Variants in CREBBP observed in about 807,000 individuals in gnomAD.
CREBBP encodes CREB-binding protein.
In CREBBP, 19 loss-of-function variants were observed where a neutral mutation model predicts 265.0. That is an observed-to-expected ratio of 0.07 (90% CI 0.05 to 0.11). The LOEUF (loss-of-function observed/expected upper bound fraction) is 0.11, where lower values mean the gene tolerates loss of function less well. CREBBP is among the 10% of genes least tolerant of loss of function. CREBBP has a pLI of 1.00. For synonymous variants in CREBBP, 1,457 were observed against 1,223.7 expected (o/e 1.19, Z -3.98); for missense variants, 2,525 against 3,219.0 (o/e 0.78, Z 5.22).
At chr16:3,745,094 C>T (rs1373276832) in intron 22 of CREBBP, 133 bp from the exon 23 acceptor site, 2 of 898,930 alleles carry the variant, frequency 2.2e-6, no homozygotes, top group Non-Finnish European at 3.6e-6. Flanking sequence ...AAGAGGCAGA[C>T]TGCTTTGATT....
At chr16:3,847,869 C>A (rs183130394) in intron 2 of CREBBP, among the ~76,000 whole-genome samples, 349 of 152,280 alleles carry the variant, frequency 2.3e-3, no homozygotes, top group South Asian at 0.016. Flanking sequence ...GAGTAAAAAT[C>A]TATAAAAACT....
intron 2 of CREBBP, among the ~76,000 whole-genome samples, chr16:3,825,250 C>T (rs750978292): frequency 6.6e-6 from 1 of 152,108 alleles, no homozygotes; most frequent in African/African-American, 2.4e-5. Flanking sequence ...TTCTTCATTA[C>T]TTGGTAGAAA....
In CREBBP at chr16:3,862,406, AGGCTTGCT is replaced by A. The variant is rs1190937795; in HGVS notation, c.86-11405_86-11398del. On this transcript the variant is annotated intron_variant, in intron 1 of 30. Transcript: ENST00000262367. ...TGGGAAGGGCCTCACTACGGTAGGC[AGGCTTGCT>A]CTGTCGCCCAGGCTGGAGTGCAGTG... 5.3e-5 allele frequency among the ~76,000 whole-genome samples: 8 copies of A among 152,266 alleles called. No homozygotes were observed. The East Asian group carries it at 1.4e-3, about 26-fold the overall frequency.
chr16:3,753,976 C>A (rs1338321798), intron 19 of CREBBP, among the ~76,000 whole-genome samples: 1 of 152,166 alleles, frequency 6.6e-6, no homozygotes, highest in African/African-American at 2.4e-5. Context: ...GAAACAAGAA[C>A]CATAAACCCA....
intron 20 of CREBBP, 43 bp from the exon 21 acceptor site, chr16:3,749,726 A>T (rs766722557): frequency 1.5e-6 from 2 of 1,334,058 alleles, no homozygotes; most frequent in Non-Finnish European, 2.1e-6. Flanking sequence ...ACTAAAATTT[A>T]TCTGTTGAGT....
rs188228129 is a variant in CREBBP, at chr16:3,756,206, A to T, written c.3698+1082T>A. On this transcript the variant is annotated intron_variant, in intron 19 of 30. Transcript: ENST00000262367. Reference sequence around the variant, plus strand: ...CCCACTGTTGACGCTTATTATTTGAACCTAAAGACAAAGAACAGGCACAAA... The same window carrying T: ...CCCACTGTTGACGCTTATTATTTGATCCTAAAGACAAAGAACAGGCACAAA... Among the ~76,000 whole-genome samples the T allele has an allele frequency of 5.3e-5, 8 of 152,344 alleles. No individual in the cohort carries two copies. The East Asian group carries it at 1.4e-3, about 26-fold the overall frequency.
rs1039534575 is a variant in CREBBP, at chr16:3,792,042, T to A, written c.1269A>T (p.Thr423=). ...RQIISHWKNC[T]RHDCPVCLPL... is the part of the protein sequence containing the mutation. Reference sequence around the variant, plus strand: ...GGAGGCAAACAGGACAGTCATGTCGTGTGCAGTTCTTCCAATGAGAGATGA... The same window carrying A: ...GGAGGCAAACAGGACAGTCATGTCGAGTGCAGTTCTTCCAATGAGAGATGA... Residue 423 remains threonine (T), a synonymous_variant, in exon 5 of 31, where the codon ACA becomes ACT. Coordinates refer to ENST00000262367, the MANE Select transcript of CREBBP (RefSeq NM_004380.3). The A allele has an allele frequency of 3.1e-6, 5 of 1,614,262 alleles. No homozygotes were observed. In the South Asian group the frequency reaches 3.3e-5, roughly 11 times the overall value.
At chr16:3,743,580 G>C (rs1474336063) in intron 23 of CREBBP, 1 of 152,154 alleles carries the variant, frequency 6.6e-6, no homozygotes, top group East Asian at 1.9e-4. Flanking sequence ...TGTCCTGCCA[G>C]AGAAAGGTGA....
In CREBBP at chr16:3,728,612, C is replaced by G. The variant is rs750009310; in HGVS notation, c.6435G>C (p.Met2145Ile). ...CACCGGGCCGCGGCACGCCAGCCTG[C>G]ATGGCATTCAGGTTCTGCAGGCTGG... is the stretch of plus-strand genomic sequence containing the variant. ...QQPSLQNLNA[M>I]QAGVPRPGVP... The change falls in exon 31 of 31, where the codon ATG becomes ATC. Residue 2145 changes from methionine (M) to isoleucine (I), a missense_variant. Met to Ile is a conservative substitution (Grantham distance 10, BLOSUM62 1). Around this residue, in one of 19 missense-constraint regions of CREBBP, gnomAD observed 473 missense variants for 459.3 expected, o/e 1.03. Transcript: ENST00000262367. This position sits in a 1 kb window ranked among gnomAD's most constrained non-coding sequence, Gnocchi z 8.7. The G allele has an allele frequency of 1.9e-6, 3 of 1,613,644 alleles. No homozygotes were observed. The East Asian group carries it at 6.7e-5, about 36-fold the overall frequency.
At position 3,740,444 on chromosome 16, in the gene CREBBP, G is replaced by C. The variant is rs1343173815; in HGVS notation, c.4088C>G (p.Ala1363Gly). Reference protein sequence around the residue: ...EAGEVFVRVVASSDKTVEVKP... With the variant: ...EAGEVFVRVVGSSDKTVEVKP... Reference sequence around the variant, plus strand: ...GACCTCCACCGTCTTGTCTGAGCTGGCCACCACTCGGACAAAAACCTCCCC... The same window carrying C: ...GACCTCCACCGTCTTGTCTGAGCTGCCCACCACTCGGACAAAAACCTCCCC... Residue 1363 changes from alanine (A) to glycine (G), a missense_variant, in exon 24 of 31, where the codon GCC (alanine) becomes GGC (glycine). Ala to Gly is a moderately conservative substitution (Grantham distance 60). Around this residue, in one of 19 missense-constraint regions of CREBBP, gnomAD observed 252 missense variants for 452.5 expected, o/e 0.56. Transcript: ENST00000262367. 6.2e-7 allele frequency: 1 copy of C among 1,614,132 alleles called. No individual in the cohort carries two copies. The highest frequency in any genetic ancestry group is 8.5e-7 in the Non-Finnish European group (1 of 1,180,030).
At chr16:3,830,416 A>G (rs796807651) in intron 2 of CREBBP, among the ~76,000 whole-genome samples, 7 of 152,112 alleles carry the variant, frequency 4.6e-5, no homozygotes, top group African/African-American at 1.7e-4. Context: ...AAACAAAACA[A>G]AAAGAGTGAA....
chr16:3,871,049 AAG>A (rs2055283408), intron 1 of CREBBP, among the ~76,000 whole-genome samples: 1 of 151,688 alleles, frequency 6.6e-6, no homozygotes, highest in Admixed American at 6.6e-5. Context: ...AAAAGAAAGA[AAG>A]AGAAAAAAAG....
intron 1 of CREBBP, among the ~76,000 whole-genome samples, chr16:3,875,621 G>A (rs1245559502): frequency 2.0e-5 from 3 of 152,184 alleles, no homozygotes; most frequent in Non-Finnish European, 1.5e-5. Context: ...CACTAAGCTT[G>A]GCAGGTTCCT....
At position 3,782,904 on chromosome 16, in the gene CREBBP, A is replaced by C; in HGVS notation, c.1353T>G (p.Ser451Arg). The C allele has an allele frequency of 6.2e-7, 1 of 1,614,238 alleles. No homozygotes were observed. Among genetic ancestry groups the C allele is most frequent in the South Asian group, 1.1e-5 (1 of 91,078 alleles). Residue 451 changes from serine to arginine, a missense_variant, in exon 6 of 31, where the codon AGT becomes AGG. Physicochemically the swap from Ser to Arg is moderately radical, Grantham distance 110. This residue lies in a region of CREBBP where 48 missense variants were observed against 70.2 expected (regional missense o/e 0.68). Transcript: ENST00000262367. Reference sequence around the variant, plus strand: ...CAGAACCAATTGTGTTTTGAATTCCACTAGCTGGAGACCCCAGGATGGCTA... The same window carrying C: ...CAGAACCAATTGTGTTTTGAATTCCCCTAGCTGGAGACCCCAGGATGGCTA... ...NQQTILGSPA[S>R]GIQNTIGSVG...
intron 5 of CREBBP, among the ~76,000 whole-genome samples, chr16:3,784,707 C>T (rs1302455611): frequency 6.6e-6 from 1 of 152,176 alleles, no homozygotes; most frequent in Non-Finnish European, 1.5e-5. Flanking sequence ...CCCGTAAACC[C>T]TTTATTGACT....
rs1474952540 is a variant in CREBBP, at chr16:3,793,612, T to C, written c.990A>G (p.Thr330=). The part of the protein sequence containing the change: ...TNVPNMSQMQ[T]SVGIVPTQAI... The stretch of plus-strand genomic sequence containing the variant: ...CTTGTGTGGGTACAATTCCCACTGA[T>C]GTTTGCATCTGAGACTAAAATAAAG... The change falls in exon 4 of 31, where the codon ACA becomes ACG. Residue 330 remains threonine (T), a synonymous_variant. Coordinates refer to ENST00000262367, the MANE Select transcript of CREBBP (RefSeq NM_004380.3). The C allele has an allele frequency of 6.2e-7, 1 of 1,613,256 alleles. No homozygotes were observed. The highest frequency in any genetic ancestry group is 8.5e-7 in the Non-Finnish European group (1 of 1,180,022).
chr16:3,740,973 A>T (rs2052190031), intron 23 of CREBBP: 2 of 339,676 alleles, frequency 5.9e-6, no homozygotes, highest in South Asian at 4.8e-5. Flanking sequence ...ATGGAGTCTG[A>T]CGTGAACGTG....
chr16:3,851,136 T>C (rs1363046531), intron 1 of CREBBP, 127 bp from the exon 2 acceptor site: 3 of 801,580 alleles, frequency 3.7e-6, no homozygotes, highest in Non-Finnish European at 6.2e-6. Flanking sequence ...AAGAGTCATG[T>C]CATTAGCTGG....
At chr16:3,863,557 G>T (rs1011596637) in intron 1 of CREBBP, among the ~76,000 whole-genome samples, 2 of 152,104 alleles carry the variant, frequency 1.3e-5, no homozygotes, top group East Asian at 3.9e-4. Context: ...AGCCGAGATC[G>T]CGCCACTGCA....
Sources: allele counts gnomAD v4.1 joint callset (sites outside exome capture counted in the v4.1 genomes callset), GRCh38; gene constraint gnomAD v4.1.1; regional missense constraint gnomAD v4.1.1; non-coding constraint Gnocchi (gnomAD v3.1); transcripts MANE v1.5; gene names NCBI Gene and HGNC (gene_info 2026-07-23, HGNC 2026-07-21).